Variants in NR4A3 observed in about 807,000 individuals in gnomAD.
The protein encoded by NR4A3 is chondrosarcoma, extraskeletal myxoid, fused to EWS.
Under a neutral mutation model 55.6 loss-of-function variants are expected in NR4A3, and 13 were observed. That is an observed-to-expected ratio of 0.23 (90% CI 0.15 to 0.37). The LOEUF is 0.37. Ranked by LOEUF, NR4A3 falls within the 10% of genes least tolerant of loss-of-function variation. NR4A3 has a pLI of 1.00. For synonymous variants in NR4A3, 342 were observed against 357.9 expected, an observed-to-expected ratio of 0.96 and a Z score of 0.50; for missense variants, 646 against 822.8, an observed-to-expected ratio of 0.79 and a Z score of 2.63.
chr9:99,852,160 G>A (rs536852599), intron 7 of NR4A3, among the ~76,000 whole-genome samples: 1 of 152,300 alleles, frequency 6.6e-6, no homozygotes, highest in South Asian at 2.1e-4. Flanking sequence ...TCCCAAAGAG[G>A]TAGCATCTAG....
chr9:99,859,915 A>T (rs950761375), intron 7 of NR4A3, among the ~76,000 whole-genome samples: 1 of 152,340 alleles, frequency 6.6e-6, no homozygotes, highest in Non-Finnish European at 1.5e-5. Flanking sequence ...TAGGTTATGA[A>T]TATAATTGAA....
chr9:99,834,758 C>G, intron 5 of NR4A3: 2 of 983,796 alleles, frequency 2.0e-6, no homozygotes, highest in Non-Finnish European at 2.4e-6. Flanking sequence ...CTTCCCCACC[C>G]TCATTATAGG....
rs1827498103 is a variant in NR4A3, at chr9:99,833,834, A to G, written c.1254+380A>G. 5 of 1,284,854 alleles carry G rather than the reference A, an allele frequency of 3.9e-6. No homozygotes were observed. The East Asian group carries it at 1.4e-4, about 36-fold the overall frequency. The allele number at this position is 1,284,854 out of a possible 1,614,324, so 79.6% of individuals were successfully genotyped here. On this transcript the variant is annotated intron_variant, in intron 5 of 7. Coordinates refer to ENST00000395097, the MANE Select transcript of NR4A3 (RefSeq NM_006981.4). ...GTTCAAACCATCTGGGTGAGCCTCA[A>G]GTTATTACTAAGCAGTTTATCCAAT...
At chr9:99,834,994 T>G (rs1242775276) in intron 5 of NR4A3, 1 of 908,936 alleles carries the variant, frequency 1.1e-6, no homozygotes, top group African/African-American at 1.8e-5. Context: ...CCCAACACTG[T>G]CCTTTACTAG....
chr9:99,840,995 G>C (rs931938003), intron 5 of NR4A3, among the ~76,000 whole-genome samples: 2 of 152,290 alleles, frequency 1.3e-5, no homozygotes, highest in African/African-American at 4.8e-5. Context: ...CACTTTGGGA[G>C]GCCAAGGCAG....
Position 99,828,086 on chromosome 9 carries a change from C to T in NR4A3, c.44C>T (p.Ser15Phe). ...CAATATAGCCCTTCCCCTCCAGGTTCCAGTTATGCGGCGCAGACATACAGC... is the reference window on the plus strand; with the variant it reads ...CAATATAGCCCTTCCCCTCCAGGTTTCAGTTATGCGGCGCAGACATACAGC... ...QAQYSPSPPG[S>F]SYAAQTYSSE... Residue 15 changes from serine to phenylalanine, a missense_variant, in exon 3 of 8, where the codon TCC (serine) becomes TTC (phenylalanine). Transcript: ENST00000395097. This position sits in a 1 kb window ranked among gnomAD's most constrained non-coding sequence, Gnocchi z 7.7. 1 of 1,614,110 alleles carries T rather than the reference C, an allele frequency of 6.2e-7. No homozygotes were observed. The highest frequency in any genetic ancestry group is 8.5e-7 in the Non-Finnish European group (1 of 1,180,008).
At chr9:99,826,675 G>A (rs1827300273) in intron 2 of NR4A3, 1 of 1,071,086 alleles carries the variant, frequency 9.3e-7, no homozygotes, top group African/African-American at 1.6e-5. Flanking sequence ...TTAAGGCCCT[G>A]CTTGTTAAAG....
At chr9:99,850,229 C>A (rs1030555139) in intron 7 of NR4A3, among the ~76,000 whole-genome samples, 1 of 151,962 alleles carries the variant, frequency 6.6e-6, no homozygotes, top group Admixed American at 6.6e-5. Context: ...GTCAGGTTTG[C>A]GTTTTAGAAA....
At chr9:99,863,243 A>C (rs1828038824) in intron 7 of NR4A3, among the ~76,000 whole-genome samples, 1 of 152,168 alleles carries the variant, frequency 6.6e-6, no homozygotes, top group Non-Finnish European at 1.5e-5. Context: ...ATGTATGCAA[A>C]ATAATAACCA....
At chr9:99,837,686 G>A (rs990398975) in intron 5 of NR4A3, among the ~76,000 whole-genome samples, 2 of 152,022 alleles carry the variant, frequency 1.3e-5, no homozygotes, top group Non-Finnish European at 2.9e-5. Context: ...GTTTTAGTGT[G>A]TATCCATAAT....
chr9:99,863,482 C>A, intron 7 of NR4A3, 138 bp from the exon 8 acceptor site: 1 of 997,046 alleles, frequency 1.0e-6, no homozygotes, highest in Admixed American at 2.5e-5. Context: ...CATGAGCTAT[C>A]TCTAACAGGG....
At position 99,828,558 on chromosome 9, in the gene NR4A3, G is replaced by T; in HGVS notation, c.516G>T (p.Leu172=). The T allele has an allele frequency of 6.7e-7, 1 of 1,501,478 alleles. No homozygotes were observed. 93.0% of individuals were successfully genotyped at this position (1,501,478 alleles called of 1,614,324 possible). Residue 172 remains leucine (L), a synonymous_variant, in exon 3 of 8, where the codon CTG becomes CTT. Coordinates refer to ENST00000395097, the MANE Select transcript of NR4A3 (RefSeq NM_006981.4). The surrounding 1 kb of genome is among the most constrained non-coding windows in gnomAD (Gnocchi z 7.7). ...CCGGCTGCATCGCACCCGGCCCGCTGCTGGACCCGCCGATGAAGGCGGTCC... is the reference window on the plus strand; with the variant it reads ...CCGGCTGCATCGCACCCGGCCCGCTTCTGGACCCGCCGATGAAGGCGGTCC... ...SAPGCIAPGP[L]LDPPMKAVPT... is the part of the protein sequence containing the mutation.
At chr9:99,839,860 C>G (rs1827621972) in intron 5 of NR4A3, among the ~76,000 whole-genome samples, 1 of 152,162 alleles carries the variant, frequency 6.6e-6, no homozygotes, top group African/African-American at 2.4e-5. Context: ...TTGTCAAACC[C>G]CAAACCTACT....
chr9:99,824,020 G>A (rs1174634703), intron 1 of NR4A3, among the ~76,000 whole-genome samples: 1 of 152,058 alleles, frequency 6.6e-6, no homozygotes, highest in African/African-American at 2.4e-5. Flanking sequence ...GTCTGCCCAC[G>A]AGAAAGAAAG....
intron 5 of NR4A3, among the ~76,000 whole-genome samples, chr9:99,836,672 G>A (rs1296830797): frequency 1.3e-5 from 2 of 152,166 alleles, no homozygotes; most frequent in Non-Finnish European, 2.9e-5. Context: ...GCCTCTTCCC[G>A]CTCACTTGTC....
chr9:99,857,364 A>G (rs369156774), intron 7 of NR4A3, among the ~76,000 whole-genome samples: 1 of 152,206 alleles, frequency 6.6e-6, no homozygotes. Flanking sequence ...AGTGCTCACT[A>G]TATGCTAGGC....
chr9:99,824,044 G>T (rs1009447527), intron 1 of NR4A3, among the ~76,000 whole-genome samples: 1 of 152,124 alleles, frequency 6.6e-6, no homozygotes, highest in Non-Finnish European at 1.5e-5. Flanking sequence ...CTTTGACAGA[G>T]GTAGTTATTT....
At chr9:99,846,036 T>C (rs1827747529) in intron 6 of NR4A3, among the ~76,000 whole-genome samples, 1 of 152,180 alleles carries the variant, frequency 6.6e-6, no homozygotes, top group South Asian at 2.1e-4. Context: ...TTCACCATGT[T>C]TTCTCCCAGT....
At chr9:99,830,462 G>A (rs990102890) in intron 3 of NR4A3, among the ~76,000 whole-genome samples, 1 of 152,178 alleles carries the variant, frequency 6.6e-6, no homozygotes, top group African/African-American at 2.4e-5. Flanking sequence ...CATTTGTGGA[G>A]GGATATACAT....
Sources: allele counts gnomAD v4.1 joint callset (sites outside exome capture counted in the v4.1 genomes callset), GRCh38; gene constraint gnomAD v4.1.1; non-coding constraint Gnocchi (gnomAD v3.1); transcripts MANE v1.5; gene names NCBI Gene and HGNC (gene_info 2026-07-23, HGNC 2026-07-21).